The following CAP2 variants were observed in gnomAD, a reference collection of about 807,000 sequenced individuals.
CAP2 encodes cyclase associated actin cytoskeleton regulatory protein 2.
A neutral mutation model predicts 57.7 loss-of-function variants in CAP2; 24 were observed. The observed-to-expected ratio is 0.42, with a 90% CI of 0.30 to 0.58. The LOEUF (loss-of-function observed/expected upper bound fraction) is 0.58, where lower values mean the gene tolerates loss of function less well. Among genes scored for constraint, CAP2 ranks in the 20% least tolerant of loss-of-function variants. CAP2 has a pLI of 0.22. For missense variants in CAP2, 501 were observed against 590.3 expected (o/e 0.85, Z 1.57); for synonymous variants, 194 against 207.2 (o/e 0.94, Z 0.55).
intron 4 of CAP2, among the ~76,000 whole-genome samples, chr6:17,488,183 C>G (rs1385296229): frequency 1.6e-4 from 24 of 152,208 alleles, no homozygotes; most frequent in Admixed American, 1.6e-3. Context: ...GCTGAGATTA[C>G]AGGCATGAGC....
chr6:17,487,694 C>T (rs1273308207), intron 4 of CAP2, among the ~76,000 whole-genome samples: 1 of 152,220 alleles, frequency 6.6e-6, no homozygotes, highest in Non-Finnish European at 1.5e-5. Context: ...TGGTCTCGAA[C>T]TTCTGGCCTC....
intron 4 of CAP2, among the ~76,000 whole-genome samples, chr6:17,497,792 T>C (rs1761705678): frequency 6.6e-6 from 1 of 152,244 alleles, no homozygotes; most frequent in South Asian, 2.1e-4. Flanking sequence ...GTTAGCTTTT[T>C]GCACTACCAG....
In CAP2 at chr6:17,482,265, G is replaced by A. The variant is rs560309298; in HGVS notation, c.300+19192G>A. Among the ~76,000 whole-genome samples the A allele has an allele frequency of 2.5e-4, 38 of 152,206 alleles. No homozygotes were observed. In the Middle Eastern group the frequency reaches 0.01, roughly 41 times the overall value. ...GCGTAGGCTGGGCGCGGTGGCTCAC[G>A]CCTGTAATCCCAGCACATGATCTGG... On this transcript the variant is annotated intron_variant, in intron 4 of 12. Coordinates refer to ENST00000229922, the MANE Select transcript of CAP2 (RefSeq NM_006366.3).
chr6:17,474,239 T>C (rs1215102225), intron 4 of CAP2, among the ~76,000 whole-genome samples: 4 of 141,728 alleles, frequency 2.8e-5, no homozygotes. Flanking sequence ...GTTCCCCTAG[T>C]GCAGCTTCAT....
rs2113697988 is a variant in CAP2 at position 17,539,522 on chromosome 6, G to C, written c.826+64G>C. The C allele has an allele frequency of 2.4e-6, 3 of 1,252,802 alleles. 1 individual carries two copies. 77.6% of individuals were successfully genotyped at this position (1,252,802 alleles called of 1,614,324 possible). A position where few individuals can be genotyped will look rare whatever the true frequency, so the allele number is the denominator to read the frequency against. On this transcript the variant is annotated intron_variant, in intron 8 of 12. Transcript: ENST00000229922. ...CCCTCTGGCTCCCAGACACAAAAGA[G>C]CCGCTGGAGCCCCAGTGATGGATAC...
chr6:17,485,950 G>A (rs1259010461), intron 4 of CAP2, among the ~76,000 whole-genome samples: 3 of 152,196 alleles, frequency 2.0e-5, no homozygotes, highest in Admixed American at 6.5e-5. Flanking sequence ...AACTCTCAAA[G>A]GGTGAAACAG....
chr6:17,528,689 T>G (rs1346979681), intron 7 of CAP2, among the ~76,000 whole-genome samples: 1 of 152,236 alleles, frequency 6.6e-6, no homozygotes, highest in Non-Finnish European at 1.5e-5. Context: ...CCACAATTCC[T>G]TCATATTTGT....
At chr6:17,455,402 A>G (rs1286251810) in intron 3 of CAP2, among the ~76,000 whole-genome samples, 1 of 152,126 alleles carries the variant, frequency 6.6e-6, no homozygotes, top group Non-Finnish European at 1.5e-5. Context: ...AAGAATCAGG[A>G]GAAGAGATAC....
At chr6:17,432,736 T>TTC (rs1429492846) in intron 3 of CAP2, among the ~76,000 whole-genome samples, 33 of 122,328 alleles carry the variant, frequency 2.7e-4, no homozygotes, top group African/African-American at 9.4e-4. Context: ...TGCTTGCTTT[T>TTC]CTTCTTTTTC....
At position 17,557,727 on chromosome 6, in the gene CAP2, C is replaced by A. The variant is rs1277388815; in HGVS notation, c.*1285C>A. ...GAATAATGTGGCTTTAGTAAATAAT[C>A]ATTTTTCAACTGTAAACTTATTCTG... On this transcript the variant is annotated 3_prime_UTR_variant, in exon 13 of 13. Transcript: ENST00000229922. 2 of 152,174 alleles carry A rather than the reference C, an allele frequency of 1.3e-5. No individual in the cohort carries two copies. Among genetic ancestry groups the A allele is most frequent in the African/African-American group, 4.8e-5 (2 of 41,438 alleles). 9.4% of individuals were successfully genotyped at this position (152,174 alleles called of 1,614,324 possible). A position where few individuals can be genotyped will look rare whatever the true frequency, so the allele number is the denominator to read the frequency against.
intron 1 of CAP2, among the ~76,000 whole-genome samples, chr6:17,409,014 A>G (rs911205616): frequency 1.3e-5 from 2 of 150,476 alleles, no homozygotes; most frequent in African/African-American, 2.4e-5. Context: ...TGCTTTTGAT[A>G]TCCCCCTGCT....
intron 12 of CAP2, among the ~76,000 whole-genome samples, chr6:17,554,710 G>A (rs1408932024): frequency 1.4e-4 from 22 of 152,232 alleles, no homozygotes. Context: ...GTTTCAATGA[G>A]CACCGCATGG....
chr6:17,550,215 T>C (rs1357155396), intron 11 of CAP2, among the ~76,000 whole-genome samples: 2 of 151,896 alleles, frequency 1.3e-5, no homozygotes, highest in African/African-American at 2.4e-5. Flanking sequence ...CATTGCACTC[T>C]AGCCTGAGTG....
intron 4 of CAP2, among the ~76,000 whole-genome samples, chr6:17,469,942 T>A (rs1416372820): frequency 1.3e-5 from 2 of 152,218 alleles, no homozygotes; most frequent in African/African-American, 4.8e-5. Flanking sequence ...GGCAGTGATC[T>A]TAGGACTTAA....
chr6:17,543,430 A>G (rs1762956311), intron 11 of CAP2, among the ~76,000 whole-genome samples: 1 of 152,038 alleles, frequency 6.6e-6, no homozygotes, highest in South Asian at 2.1e-4. Context: ...ATCCTGGCTA[A>G]CACAGTGAAA....
chr6:17,398,513 A>G (rs1453622436), intron 1 of CAP2, among the ~76,000 whole-genome samples: 1 of 150,150 alleles, frequency 6.7e-6, no homozygotes, highest in Non-Finnish European at 1.5e-5. Flanking sequence ...TATATATAAA[A>G]TTTACGATTT....
At chr6:17,401,704 A>G (rs1758820999) in intron 1 of CAP2, among the ~76,000 whole-genome samples, 1 of 152,162 alleles carries the variant, frequency 6.6e-6, no homozygotes, top group Non-Finnish European at 1.5e-5. Context: ...GCAGATCCAC[A>G]ATTATTTAGG....
chr6:17,557,526 C>T lies in CAP2; in HGVS notation c.*1084C>T, dbSNP rs1763342217. The stretch of plus-strand genomic sequence containing the variant: ...CTGAAAAATCTGCAACTTCTTGGAT[C>T]ATATTTAATGAATTATAGTATAATG... On this transcript the variant is annotated 3_prime_UTR_variant, in exon 13 of 13. Coordinates refer to ENST00000229922, the MANE Select transcript of CAP2 (RefSeq NM_006366.3). 1 of 152,150 alleles carries T rather than the reference C, an allele frequency of 6.6e-6. No homozygotes were observed. Among genetic ancestry groups the T allele is most frequent in the Non-Finnish European group, 1.5e-5 (1 of 68,022 alleles). 9.4% of individuals were successfully genotyped at this position (152,150 alleles called of 1,614,324 possible).
intron 1 of CAP2, among the ~76,000 whole-genome samples, chr6:17,418,871 C>G (rs189978949): frequency 6.6e-6 from 1 of 152,284 alleles, no homozygotes; most frequent in Admixed American, 6.5e-5. Context: ...TTACATTTCT[C>G]TTTCCTTTTT....
Sources: gnomAD v4.1 joint callset for allele counts (sites outside exome capture counted in the v4.1 genomes callset) on GRCh38, gnomAD v4.1.1 for gene constraint, MANE v1.5 for transcripts, NCBI Gene and HGNC (gene_info 2026-07-23, HGNC 2026-07-21) for gene names.